FMN1: variants seen among roughly 807,000 people sequenced by gnomAD.
FMN1 encodes the protein formin-1.
In FMN1, 110 loss-of-function variants were observed where a neutral mutation model predicts 132.4. That is an observed-to-expected ratio of 0.83 (90% CI 0.71 to 0.97). The LOEUF (loss-of-function observed/expected upper bound fraction) is 0.97. Among genes scored for constraint, FMN1 ranks in the 50% least tolerant of loss-of-function variants. The pLI is 0.00. For missense variants in FMN1, 1,792 were observed against 1,705.3 expected (o/e 1.05, Z -0.90); for synonymous variants, 722 against 651.7 (o/e 1.11, Z -1.64).
At chr15:32,913,113 G>T (rs11633201) in intron 10 of FMN1, among the ~76,000 whole-genome samples, 63,274 of 151,820 alleles carry the variant, frequency 0.42, 13,608 homozygotes, top group African/African-American at 0.53. Flanking sequence ...GCGGTTACTA[G>T]GAAACCCTTC....
intron 19 of FMN1, among the ~76,000 whole-genome samples, chr15:32,779,266 A>G (rs2056586223): frequency 6.7e-6 from 1 of 150,032 alleles, no homozygotes; most frequent in Non-Finnish European, 1.5e-5. Context: ...GTGAAGTGAT[A>G]CTAATGTGTA....
At chr15:33,061,255 C>G (rs188786691) in intron 6 of FMN1, among the ~76,000 whole-genome samples, 1 of 152,194 alleles carries the variant, frequency 6.6e-6, no homozygotes, top group Non-Finnish European at 1.5e-5. Flanking sequence ...CAAGCCCTGT[C>G]CCTGGGGAGA....
intron 16 of FMN1, among the ~76,000 whole-genome samples, chr15:32,869,580 CATTGGTATAAA>C (rs1289114491): frequency 1.3e-5 from 2 of 152,110 alleles, no homozygotes; most frequent in Non-Finnish European, 2.9e-5. Context: ...GCCAGGAAGT[CATTGGTATAAA>C]ATTGGTATTT....
intron 3 of FMN1, among the ~76,000 whole-genome samples, chr15:33,165,706 C>A (rs1008421336): frequency 6.6e-6 from 1 of 151,902 alleles, no homozygotes; most frequent in Non-Finnish European, 1.5e-5. Context: ...TTCTTTTTAA[C>A]AGGCAACTGC....
intron 3 of FMN1, among the ~76,000 whole-genome samples, chr15:33,160,391 G>T (rs1964840926): frequency 6.6e-6 from 1 of 152,168 alleles, no homozygotes; most frequent in African/African-American, 2.4e-5. Context: ...CTGAGCAAAT[G>T]AACTTCAACC....
chr15:33,127,481 CTA>C (rs1418910787), intron 4 of FMN1, among the ~76,000 whole-genome samples: 1 of 152,162 alleles, frequency 6.6e-6, no homozygotes, highest in African/African-American at 2.4e-5. Flanking sequence ...AAATAGGTAA[CTA>C]TTACTTACTA....
intron 17 of FMN1, among the ~76,000 whole-genome samples, chr15:32,816,409 A>G (rs2058060686): frequency 6.6e-6 from 1 of 152,238 alleles, no homozygotes; most frequent in African/African-American, 2.4e-5. Context: ...AAGAGTCAGA[A>G]GGTAACATAC....
At chr15:33,061,419 A>G (rs1316882239) in intron 6 of FMN1, among the ~76,000 whole-genome samples, 1 of 152,038 alleles carries the variant, frequency 6.6e-6, no homozygotes, top group Non-Finnish European at 1.5e-5. Context: ...AAAATACAAG[A>G]TATATACATA....
chr15:33,178,163 A>T (rs992107968), intron 3 of FMN1, among the ~76,000 whole-genome samples: 2 of 152,234 alleles, frequency 1.3e-5, no homozygotes, highest in African/African-American at 4.8e-5. Context: ...AAAATGAATG[A>T]ACTAATCAAT....
chr15:32,883,509 CAAAAA>C (rs60737133), intron 16 of FMN1, among the ~76,000 whole-genome samples: 397 of 25,836 alleles, frequency 0.015, no homozygotes, highest in South Asian at 0.094. Context: ...GAACCTATCT[CAAAAA>C]AAAAAAAAAA....
intron 12 of FMN1, among the ~76,000 whole-genome samples, chr15:32,905,544 C>T (rs2060403565): frequency 6.6e-6 from 1 of 152,154 alleles, no homozygotes; most frequent in East Asian, 1.9e-4. Context: ...AACGGCCATC[C>T]CTAGAGGGAG....
At chr15:33,063,623 A>C (rs1595384261) in intron 6 of FMN1, 2 of 152,308 alleles carry the variant, frequency 1.3e-5, no homozygotes, top group Admixed American at 1.3e-4. Flanking sequence ...TCATATATGT[A>C]ATTACCCTAG....
chr15:33,176,204 C>T (rs1965506923), intron 3 of FMN1, among the ~76,000 whole-genome samples: 1 of 152,026 alleles, frequency 6.6e-6, no homozygotes, highest in African/African-American at 2.4e-5. Context: ...GAAACCCTGT[C>T]TCTTCTAAAA....
At chr15:32,852,897 T>C (rs2059042067) in intron 17 of FMN1, among the ~76,000 whole-genome samples, 1 of 152,188 alleles carries the variant, frequency 6.6e-6, no homozygotes, top group Non-Finnish European at 1.5e-5. Context: ...ACCGTTTTGG[T>C]CTTGTGTTCT....
intron 6 of FMN1, among the ~76,000 whole-genome samples, chr15:33,039,830 T>C (rs2036347918): frequency 6.6e-6 from 1 of 152,210 alleles, no homozygotes; most frequent in Admixed American, 6.5e-5. Context: ...ATAGAAGTCA[T>C]TGGTTGCCTC....
rs551639228 is a variant in FMN1 at position 32,976,031 on chromosome 15, A to T, written c.2224-6554T>A. Among the ~76,000 whole-genome samples the T allele has an allele frequency of 5.3e-5, 8 of 152,304 alleles. No homozygotes were observed. The East Asian group carries it at 1.5e-3, about 29-fold the overall frequency. On this transcript the variant is annotated intron_variant, in intron 7 of 20. Coordinates refer to ENST00000616417, the MANE Select transcript of FMN1 (RefSeq NM_001277313.2). Reference sequence around the variant, plus strand: ...AGGTGGAAAAGCGCCTACTGATGAAAGACATCGTGTTGGTGCCAAGCACTG... The same window carrying T: ...AGGTGGAAAAGCGCCTACTGATGAATGACATCGTGTTGGTGCCAAGCACTG...
intron 9 of FMN1, among the ~76,000 whole-genome samples, chr15:32,938,341 C>T (rs2061326968): frequency 6.6e-6 from 1 of 151,938 alleles, no homozygotes; most frequent in South Asian, 2.1e-4. Context: ...CCAGCCTGGT[C>T]AACATGATGA....
intron 6 of FMN1, among the ~76,000 whole-genome samples, chr15:33,015,299 T>C (rs915568568): frequency 2.6e-5 from 4 of 152,150 alleles, no homozygotes; most frequent in African/African-American, 9.7e-5. Context: ...CATAATTCTG[T>C]AAAAGGGGAA....
intron 7 of FMN1, among the ~76,000 whole-genome samples, chr15:32,995,490 A>G (rs1267937747): frequency 6.6e-6 from 1 of 152,188 alleles, no homozygotes; most frequent in African/African-American, 2.4e-5. Context: ...AAATCCTCTG[A>G]GTACGGAACC....
Sources: allele counts gnomAD v4.1 joint callset (sites outside exome capture counted in the v4.1 genomes callset), GRCh38; gene constraint gnomAD v4.1.1; transcripts MANE v1.5; gene names NCBI Gene and HGNC (gene_info 2026-07-23, HGNC 2026-07-21).